The following C1orf105 variants were observed in gnomAD, a reference collection of about 807,000 sequenced individuals.
C1orf105 encodes chromosome 1 open reading frame 105.
In C1orf105, 17 loss-of-function variants were observed where a neutral mutation model predicts 20.8. The observed-to-expected ratio is 0.82, with a 90% CI of 0.56 to 1.23. C1orf105 has a LOEUF of 1.23. Among genes scored for constraint, C1orf105 ranks in the 50% most tolerant of loss-of-function variants. The pLI is 0.00. For synonymous variants in C1orf105, 72 were observed against 72.1 expected, an observed-to-expected ratio of 1.00 and a Z score of 0.01; for missense variants, 219 against 213.5, an observed-to-expected ratio of 1.03 and a Z score of -0.16.
At chr1:172,428,956 G>A in intron 1 of C1orf105, 1 of 556,796 alleles carries the variant, frequency 1.8e-6, no homozygotes, top group African/African-American at 1.9e-5. Flanking sequence ...GATTTTGGGG[G>A]ATACTGTTGG....
At chr1:172,468,181 CT>C (rs1482563183) in intron 6 of C1orf105, among the ~76,000 whole-genome samples, 1 of 152,080 alleles carries the variant, frequency 6.6e-6, no homozygotes, top group Non-Finnish European at 1.5e-5. Context: ...CTGGGTACTC[CT>C]TTTGGCCTCA....
intron 6 of C1orf105, 43 bp from the exon 7 acceptor site, chr1:172,468,406 T>C: frequency 1.4e-6 from 2 of 1,476,590 alleles, no homozygotes; most frequent in African/African-American, 2.8e-5. Flanking sequence ...GAATAGAATC[T>C]AAGTAGTCCT....
intron 1 of C1orf105, chr1:172,442,082 T>C (rs1647371257): frequency 1.2e-6 from 2 of 1,614,132 alleles, no homozygotes; most frequent in Non-Finnish European, 1.7e-6. Flanking sequence ...AAGATGGCCA[T>C]GTTCAAGGAT....
chr1:172,455,400 C>T (rs1033184282), intron 3 of C1orf105, among the ~76,000 whole-genome samples: 1 of 152,160 alleles, frequency 6.6e-6, no homozygotes, highest in African/African-American at 2.4e-5. Flanking sequence ...GATGGGCCAG[C>T]AAGCGGATCA....
At chr1:172,446,485 T>G (rs1443954111) in intron 2 of C1orf105, among the ~76,000 whole-genome samples, 7 of 152,338 alleles carry the variant, frequency 4.6e-5, no homozygotes, top group Admixed American at 6.5e-5. Flanking sequence ...TGCAGGCATG[T>G]GAGTCCAGAG....
chr1:172,432,084 G>C (rs561246074), intron 1 of C1orf105, among the ~76,000 whole-genome samples: 1 of 152,174 alleles, frequency 6.6e-6, no homozygotes, highest in Non-Finnish European at 1.5e-5. Flanking sequence ...CAAAGCAGCC[G>C]GGAAGCTCAA....
At chr1:172,463,159 C>A (rs573008993) in intron 5 of C1orf105, among the ~76,000 whole-genome samples, 39 of 152,224 alleles carry the variant, frequency 2.6e-4, no homozygotes, top group Admixed American at 2.3e-3. Context: ...TTACAACATG[C>A]AAAACATGGA....
chr1:172,429,937 CCT>C (rs1327331801), intron 1 of C1orf105, among the ~76,000 whole-genome samples: 1 of 152,208 alleles, frequency 6.6e-6, no homozygotes, highest in African/African-American at 2.4e-5. Context: ...CCTCCCCATT[CCT>C]CTGTCCTTGA....
chr1:172,448,626 C>A, intron 3 of C1orf105, 95 bp downstream of exon 3: 1 of 718,506 alleles, frequency 1.4e-6, no homozygotes, highest in Non-Finnish European at 2.5e-6. Flanking sequence ...CAGCCCTGTG[C>A]TTGGTACACC....
chr1:172,466,568 TCACATA>T (rs1650069013), intron 6 of C1orf105, among the ~76,000 whole-genome samples: 1 of 119,526 alleles, frequency 8.4e-6, no homozygotes, highest in African/African-American at 3.6e-5. Flanking sequence ...AAGGAATGAA[TCACATA>T]CACACACACA....
intron 3 of C1orf105, among the ~76,000 whole-genome samples, chr1:172,455,806 G>T (rs1414320774): frequency 6.6e-6 from 1 of 152,154 alleles, no homozygotes; most frequent in South Asian, 2.1e-4. Flanking sequence ...ACAAGCTTGA[G>T]TTCTGCTTGT....
chr1:172,456,368 C>A, intron 3 of C1orf105, 47 bp from the exon 4 acceptor site: 1 of 1,527,390 alleles, frequency 6.5e-7, no homozygotes, highest in Non-Finnish European at 9.0e-7. Context: ...TGCTGCCCTA[C>A]ATGCCCCACC....
intron 1 of C1orf105, among the ~76,000 whole-genome samples, chr1:172,424,481 C>G (rs963979592): frequency 1.3e-5 from 2 of 152,220 alleles, no homozygotes; most frequent in African/African-American, 2.4e-5. Context: ...ACCTCTGCCT[C>G]CCGGGTTCGA....
intron 1 of C1orf105, among the ~76,000 whole-genome samples, chr1:172,439,292 G>T (rs2072140685): frequency 6.6e-6 from 1 of 152,024 alleles, no homozygotes; most frequent in African/African-American, 2.4e-5. Context: ...CTGACTACAG[G>T]ATACAATAAT....
At chr1:172,444,973 G>A (rs1647806954) in intron 1 of C1orf105, 100 bp from the exon 2 acceptor site, 3 of 839,972 alleles carry the variant, frequency 3.6e-6, no homozygotes, top group Non-Finnish European at 5.6e-6. Context: ...GGTTTGTAAA[G>A]TGTTCACTAT....
intron 1 of C1orf105, among the ~76,000 whole-genome samples, chr1:172,427,289 T>C (rs2071747947): frequency 6.6e-6 from 1 of 152,162 alleles, no homozygotes; most frequent in African/African-American, 2.4e-5. Flanking sequence ...AGATCAACCA[T>C]CCCTGCCCTT....
At chr1:172,448,048 G>A (rs961415861) in intron 2 of C1orf105, among the ~76,000 whole-genome samples, 1 of 152,206 alleles carries the variant, frequency 6.6e-6, no homozygotes, top group African/African-American at 2.4e-5. Context: ...CAGGGTGCAA[G>A]GACACAAACT....
rs116571058 is a variant in C1orf105 at position 172,425,376 on chromosome 1, G to A, written c.21+4470G>A. Among the ~76,000 whole-genome samples, 1,209 of 152,262 alleles carry A rather than the reference G, an allele frequency of 7.9e-3. 20 individuals carry two copies. The highest frequency in any genetic ancestry group is 0.027 in the African/African-American group (1,115 of 41,538). ...CACAGTAATATACCTGGAGGAAAAT[G>A]ATGTTTTAATTTTTTGATGATGGTT... On this transcript the variant is annotated intron_variant, in intron 1 of 6. Coordinates refer to ENST00000367727, the MANE Select transcript of C1orf105 (RefSeq NM_139240.4).
chr1:172,431,281 A>G, intron 1 of C1orf105: 1 of 442,656 alleles, frequency 2.3e-6, no homozygotes, highest in Non-Finnish European at 4.0e-6. Flanking sequence ...ATTGAAGGAA[A>G]TTAAAAGTGG....
Sources: gnomAD v4.1 joint callset for allele counts (sites outside exome capture counted in the v4.1 genomes callset) on GRCh38, gnomAD v4.1.1 for gene constraint, MANE v1.5 for transcripts, NCBI Gene and HGNC (gene_info 2026-07-23, HGNC 2026-07-21) for gene names.